NEK11: variants seen among roughly 807,000 people sequenced by gnomAD.
NEK11 encodes serine/threonine-protein kinase Nek11.
Under a neutral mutation model 80.7 loss-of-function variants are expected in NEK11, and 72 were observed. The ratio of observed to expected loss-of-function variants is 0.89; its 90% CI spans 0.74 to 1.08. The LOEUF is 1.08. NEK11 is among the 50% of genes least tolerant of loss of function. NEK11 has a pLI of 0.00. For synonymous variants in NEK11, 251 were observed against 260.7 expected (o/e 0.96, Z 0.36); for missense variants, 764 against 763.6 (o/e 1.00, Z -0.01).
intron 5 of NEK11, among the ~76,000 whole-genome samples, chr3:131,113,738 C>T (rs1285802056): frequency 6.6e-6 from 1 of 151,844 alleles, no homozygotes; most frequent in East Asian, 1.9e-4. Flanking sequence ...TAGTGAAACC[C>T]CATCTCTACT....
rs761123311 is a variant in NEK11 at position 131,162,482 on chromosome 3, G to T, written c.1037G>T (p.Arg346Leu). ...VQKMTPRERMRLRKLQAADEK... is the reference protein window; with the variant it reads ...VQKMTPRERMLLRKLQAADEK... ...AAAATGACGCCAAGAGAAAGGATGC[G>T]GCTGAGGAAGCTCCAGGCGGCTGAT... Residue 346 changes from arginine to leucine, a missense_variant, in exon 11 of 18, where the codon CGG (arginine) becomes CTG (leucine). Physicochemically the swap from Arg to Leu is moderately radical, Grantham distance 102. Transcript: ENST00000383366. 2.5e-5 allele frequency: 40 copies of T among 1,613,986 alleles called. No individual in the cohort carries two copies. Among genetic ancestry groups the T allele is most frequent in the African/African-American group, 6.7e-5 (5 of 74,920 alleles).
chr3:131,234,454 G>A (rs547845488), intron 15 of NEK11, among the ~76,000 whole-genome samples: 47 of 152,262 alleles, frequency 3.1e-4, no homozygotes, highest in Admixed American at 1.4e-3. Context: ...TCAGATTGTC[G>A]ATCATTTTTC....
At chr3:131,312,107 A>C (rs1363151783) in intron 17 of NEK11, among the ~76,000 whole-genome samples, 2 of 152,310 alleles carry the variant, frequency 1.3e-5, no homozygotes, top group South Asian at 2.1e-4. Context: ...GTAAAGCCAA[A>C]ATGGGGAAGG....
rs139932000 is a variant in NEK11, at chr3:131,197,691, T to C, written c.1399+26804T>C. Among the ~76,000 whole-genome samples the C allele has an allele frequency of 2.4e-4, 36 of 152,270 alleles. No individual in the cohort carries two copies. In the East Asian group the frequency reaches 6.6e-3, roughly 28 times the overall value. Reference sequence around the variant, plus strand: ...TGGTTAGCTGCAGGCAAAATATTTTTCCTTCTCTGGTGGCTAGCCATCTGG... The same window carrying C: ...TGGTTAGCTGCAGGCAAAATATTTTCCCTTCTCTGGTGGCTAGCCATCTGG... On this transcript the variant is annotated intron_variant, in intron 14 of 17. Coordinates refer to ENST00000383366, the MANE Select transcript of NEK11 (RefSeq NM_024800.5).
chr3:131,265,776 T>C (rs2096042336), intron 16 of NEK11, among the ~76,000 whole-genome samples: 1 of 152,196 alleles, frequency 6.6e-6, no homozygotes, highest in Non-Finnish European at 1.5e-5. Flanking sequence ...TTGGAATACT[T>C]TCAGAAGGAA....
intron 16 of NEK11, among the ~76,000 whole-genome samples, chr3:131,247,395 T>G (rs1261557138): frequency 6.6e-6 from 1 of 152,138 alleles, no homozygotes; most frequent in Non-Finnish European, 1.5e-5. Flanking sequence ...CTACTTTATG[T>G]TTTTGTTTGC....
At chr3:131,084,676 T>G (rs1057006359) in intron 4 of NEK11, among the ~76,000 whole-genome samples, 3 of 152,212 alleles carry the variant, frequency 2.0e-5, no homozygotes, top group Admixed American at 6.5e-5. Context: ...GACTTCTCTA[T>G]TTTCTGCTTG....
intron 1 of NEK11, chr3:131,027,396 C>T (rs1453876661): frequency 1.3e-5 from 2 of 152,030 alleles, no homozygotes; most frequent in Admixed American, 1.3e-4. Flanking sequence ...CCAGCCAGAT[C>T]TGTTTCACCG....
intron 7 of NEK11, among the ~76,000 whole-genome samples, chr3:131,138,720 G>T (rs142668506): frequency 7.9e-5 from 12 of 152,226 alleles, no homozygotes; most frequent in African/African-American, 2.9e-4. Flanking sequence ...TAAGGGAAGA[G>T]AACAAGAGTC....
At chr3:131,174,966 A>G (rs1195951575) in intron 14 of NEK11, 2 of 1,393,526 alleles carry the variant, frequency 1.4e-6, no homozygotes, top group Non-Finnish European at 1.9e-6. Flanking sequence ...TCTTTAAGCA[A>G]TCACTGAGCC....
chr3:131,078,057 G>A (rs774090286), intron 3 of NEK11, among the ~76,000 whole-genome samples: 1 of 152,180 alleles, frequency 6.6e-6, no homozygotes, highest in Non-Finnish European at 1.5e-5. Context: ...GCATAGTTGA[G>A]TCCTTGCCTG....
At chr3:131,174,913 A>C in intron 14 of NEK11, 2 of 1,454,474 alleles carry the variant, frequency 1.4e-6, no homozygotes, top group East Asian at 2.5e-5. Context: ...CTGCTTACCC[A>C]CATCCTGACC....
intron 14 of NEK11, 91 bp downstream of exon 14, chr3:131,170,978 G>A (rs910602426): frequency 4.6e-6 from 4 of 876,160 alleles, no homozygotes; most frequent in Non-Finnish European, 7.9e-6. Flanking sequence ...CTGGCCTCTG[G>A]GAGAAGCTCT....
intron 17 of NEK11, among the ~76,000 whole-genome samples, chr3:131,333,011 G>C (rs1463386839): frequency 1.3e-5 from 2 of 152,226 alleles, no homozygotes; most frequent in Middle Eastern, 3.4e-3. Flanking sequence ...TGAAAGTGAC[G>C]GGGAGAATGG....
At chr3:131,071,142 A>AT (rs1267367514) in intron 3 of NEK11, among the ~76,000 whole-genome samples, 1 of 152,016 alleles carries the variant, frequency 6.6e-6, no homozygotes, top group South Asian at 2.1e-4. Context: ...AATATCTGCC[A>AT]TTTTTTTGTC....
At chr3:131,240,849 T>C (rs1302607011) in intron 15 of NEK11, among the ~76,000 whole-genome samples, 1 of 152,180 alleles carries the variant, frequency 6.6e-6, no homozygotes, top group Non-Finnish European at 1.5e-5. Flanking sequence ...AACAACTGCC[T>C]GATAACTAAA....
intron 14 of NEK11, among the ~76,000 whole-genome samples, chr3:131,199,105 T>G (rs534703632): frequency 6.6e-6 from 1 of 152,278 alleles, no homozygotes; most frequent in South Asian, 2.1e-4. Context: ...CGAGGAAATT[T>G]AGCCTTGCCG....
At chr3:131,064,158 G>T (rs1422432486) in intron 3 of NEK11, among the ~76,000 whole-genome samples, 1 of 152,186 alleles carries the variant, frequency 6.6e-6, no homozygotes, top group Non-Finnish European at 1.5e-5. Flanking sequence ...GTTGCCAGGG[G>T]CTATGGAGAG....
intron 17 of NEK11, among the ~76,000 whole-genome samples, chr3:131,296,368 G>T (rs1016675152): frequency 6.6e-6 from 1 of 152,056 alleles, no homozygotes; most frequent in Non-Finnish European, 1.5e-5. Flanking sequence ...GTTAGATTAA[G>T]AAAAATAAAA....
Sources: allele counts gnomAD v4.1 joint callset (sites outside exome capture counted in the v4.1 genomes callset), GRCh38; gene constraint gnomAD v4.1.1; transcripts MANE v1.5; gene names NCBI Gene and HGNC (gene_info 2026-07-23, HGNC 2026-07-21).